TMEM132D: variants seen among roughly 807,000 people sequenced by gnomAD.
TMEM132D encodes transmembrane protein 132D, also known as mature OL transmembrane protein.
A neutral mutation model predicts 62.3 loss-of-function variants in TMEM132D; 21 were observed. That is an observed-to-expected ratio of 0.34 (90% CI 0.24 to 0.49). The LOEUF (loss-of-function observed/expected upper bound fraction) is 0.49. TMEM132D is among the 20% of genes least tolerant of loss of function. The pLI is 0.99. For synonymous variants in TMEM132D, 621 were observed against 575.6 expected (o/e 1.08, Z -1.13); for missense variants, 1,346 against 1,402.8 (o/e 0.96, Z 0.65).
intron 3 of TMEM132D, among the ~76,000 whole-genome samples, chr12:129,523,855 C>T (rs1029634497): frequency 6.6e-6 from 1 of 152,144 alleles, no homozygotes; most frequent in East Asian, 1.9e-4. Context: ...TTACTGCTGC[C>T]TCCTGGCTGA....
chr12:129,763,251 T>C (rs530447265), intron 1 of TMEM132D, among the ~76,000 whole-genome samples: 167 of 152,198 alleles, frequency 1.1e-3, no homozygotes, highest in African/African-American at 3.6e-3. Context: ...CTAATATTTG[T>C]ATTTCTTGTA....
chr12:129,467,300 C>G (rs1308027010), intron 3 of TMEM132D, among the ~76,000 whole-genome samples: 1 of 152,076 alleles, frequency 6.6e-6, no homozygotes. Flanking sequence ...ATTCTTGGCT[C>G]TGCTTTTCTC....
At chr12:129,486,577 A>G in intron 3 of TMEM132D, among the ~76,000 whole-genome samples, 1 of 152,178 alleles carries the variant, frequency 6.6e-6, no homozygotes. Flanking sequence ...ATAGTAATAA[A>G]GCCTGAAATC....
chr12:129,837,626 T>G (rs1368097537), intron 1 of TMEM132D, among the ~76,000 whole-genome samples: 1 of 152,228 alleles, frequency 6.6e-6, no homozygotes, highest in Non-Finnish European at 1.5e-5. Context: ...CAGACCTTTC[T>G]AATAGTGATT....
At chr12:129,304,591 T>C (rs1368633025) in intron 4 of TMEM132D, among the ~76,000 whole-genome samples, 1 of 151,844 alleles carries the variant, frequency 6.6e-6, no homozygotes, top group Non-Finnish European at 1.5e-5. Flanking sequence ...CTCCTAGCTC[T>C]TTCCCATTTA....
intron 2 of TMEM132D, among the ~76,000 whole-genome samples, chr12:129,536,040 G>A (rs755299000): frequency 2.0e-5 from 3 of 152,142 alleles, no homozygotes; most frequent in Non-Finnish European, 4.4e-5. Flanking sequence ...AGAATTCCAG[G>A]GAATTGGAGG....
intron 1 of TMEM132D, among the ~76,000 whole-genome samples, chr12:129,865,862 A>T (rs555485512): frequency 1.3e-5 from 2 of 152,322 alleles, no homozygotes; most frequent in South Asian, 4.1e-4. Context: ...CACGGGACTA[A>T]TGAGTCAAGA....
At position 129,760,323 on chromosome 12, in the gene TMEM132D, CTTTTTT is replaced by C. The variant is rs71082753; in HGVS notation, c.80-59631_80-59626del. Among the ~76,000 whole-genome samples the C allele has an allele frequency of 2.2e-4, 25 of 115,502 alleles. No homozygotes were observed. In the East Asian group the frequency reaches 5.1e-3, roughly 24 times the overall value. The allele number at this position is 115,502 out of a possible 152,430, so 75.8% of individuals were successfully genotyped here. ...AGACAGAAATGATGTAAGCCACTTT[CTTTTTT>C]TTTTTTTTTTTTTTTTTTTTGAGAT... On this transcript the variant is annotated intron_variant, in intron 1 of 8. Coordinates refer to ENST00000422113, the MANE Select transcript of TMEM132D (RefSeq NM_133448.3).
intron 2 of TMEM132D, among the ~76,000 whole-genome samples, chr12:129,682,222 T>C (rs958707995): frequency 2.0e-5 from 3 of 152,248 alleles, no homozygotes; most frequent in African/African-American, 4.8e-5. Context: ...TGGTCCCTGA[T>C]ACATTTCTTG....
chr12:129,140,723 C>T (rs116229664), intron 5 of TMEM132D, among the ~76,000 whole-genome samples: 4,099 of 151,852 alleles, frequency 0.027, 194 homozygotes, highest in African/African-American at 0.094. Context: ...CTTGTAATCT[C>T]GGCTACTAGG....
rs1870603241 is a variant in TMEM132D, at chr12:129,371,600, G to A, written c.1116-33783C>T. On this transcript the variant is annotated intron_variant, in intron 3 of 8. Coordinates refer to ENST00000422113, the MANE Select transcript of TMEM132D (RefSeq NM_133448.3). This position sits in a 1 kb window ranked among gnomAD's most constrained non-coding sequence, Gnocchi z 4.3. ...ATGTGATGATAGTAACAATGATCATGGCAGATTGTGGTGATGATGATGGTG... is the reference window on the plus strand; with the variant it reads ...ATGTGATGATAGTAACAATGATCATAGCAGATTGTGGTGATGATGATGGTG... Among the ~76,000 whole-genome samples the A allele has an allele frequency of 6.6e-6, 1 of 150,740 alleles. No homozygotes were observed. Among genetic ancestry groups the A allele is most frequent in the Non-Finnish European group, 1.5e-5 (1 of 67,706 alleles).
At chr12:129,441,568 A>G (rs931274558) in intron 3 of TMEM132D, among the ~76,000 whole-genome samples, 7 of 152,298 alleles carry the variant, frequency 4.6e-5, no homozygotes, top group Middle Eastern at 3.4e-3. Context: ...AGAAGGAGAA[A>G]TAGCCTGACT....
At chr12:129,513,598 C>T (rs971497344) in intron 3 of TMEM132D, among the ~76,000 whole-genome samples, 2 of 151,060 alleles carry the variant, frequency 1.3e-5, no homozygotes, top group Non-Finnish European at 2.9e-5. Flanking sequence ...CATTCTCCTG[C>T]CTCAGCCTCC....
chr12:129,417,011 G>A (rs752172381), intron 3 of TMEM132D, among the ~76,000 whole-genome samples: 2 of 152,000 alleles, frequency 1.3e-5, no homozygotes, highest in Non-Finnish European at 2.9e-5. Context: ...TTTCTTTTTT[G>A]TTGTTGGTGT....
At chr12:129,580,964 C>T (rs1418636146) in intron 2 of TMEM132D, among the ~76,000 whole-genome samples, 1 of 152,124 alleles carries the variant, frequency 6.6e-6, no homozygotes, top group African/African-American at 2.4e-5. Context: ...AATGCACGGA[C>T]AACATTACTG....
At chr12:129,556,120 G>A (rs1232025798) in intron 2 of TMEM132D, among the ~76,000 whole-genome samples, 1 of 152,142 alleles carries the variant, frequency 6.6e-6, no homozygotes, top group Non-Finnish European at 1.5e-5. Flanking sequence ...CACTCCCTTT[G>A]CCTTCACTAC....
At chr12:129,339,996 C>A (rs1279453496) in intron 3 of TMEM132D, among the ~76,000 whole-genome samples, 1 of 152,196 alleles carries the variant, frequency 6.6e-6, no homozygotes, top group East Asian at 1.9e-4. Context: ...TCCCACCCCA[C>A]AGCCCCATAC....
At chr12:129,774,726 T>C (rs1249627345) in intron 1 of TMEM132D, among the ~76,000 whole-genome samples, 1 of 152,202 alleles carries the variant, frequency 6.6e-6, no homozygotes, top group Non-Finnish European at 1.5e-5. Context: ...TGAGGCAGAA[T>C]GCACAGATGT....
At chr12:129,442,208 G>T (rs1240858009) in intron 3 of TMEM132D, among the ~76,000 whole-genome samples, 1 of 152,192 alleles carries the variant, frequency 6.6e-6, no homozygotes, top group African/African-American at 2.4e-5. Flanking sequence ...GCAGCCAGTG[G>T]GCAATGGAGC....
Sources: gnomAD v4.1 joint callset for allele counts (sites outside exome capture counted in the v4.1 genomes callset) on GRCh38, gnomAD v4.1.1 for gene constraint, Gnocchi (gnomAD v3.1) non-coding constraint, MANE v1.5 for transcripts, NCBI Gene and HGNC (gene_info 2026-07-23, HGNC 2026-07-21) for gene names.